Variants in FGF13 observed in about 807,000 individuals in gnomAD.
FGF13 encodes the protein fibroblast growth factor homologous factor 2.
A neutral mutation model predicts 19.5 loss-of-function variants in FGF13; 2 were observed. The ratio of observed to expected loss-of-function variants is 0.10; its 90% CI spans 0.04 to 0.32. The LOEUF is 0.32. FGF13 is among the 10% of genes least tolerant of loss of function. The pLI is 1.00. For missense variants in FGF13, 113 were observed against 192.7 expected, an observed-to-expected ratio of 0.59 and a Z score of 2.45; for synonymous variants, 72 against 76.9, an observed-to-expected ratio of 0.94 and a Z score of 0.33.
At chrX:138,749,410 A>G (rs2090381114) in intron 3 of FGF13, among the ~76,000 whole-genome samples, 3 of 110,565 alleles carry the variant, frequency 2.7e-5, no homozygotes, top group Admixed American at 9.7e-5. Flanking sequence ...GTGTAATGAC[A>G]GAAATGTGGC....
At chrX:138,688,716 TG>T (rs948469553) in intron 3 of FGF13, among the ~76,000 whole-genome samples, 1 of 111,885 alleles carries the variant, frequency 8.9e-6, no homozygotes, top group African/African-American at 3.2e-5. Context: ...CAAGGACAAG[TG>T]TTTCCCCTTC....
intron 1 of FGF13, among the ~76,000 whole-genome samples, chrX:138,734,963 A>G (rs2090261902): frequency 2.7e-5 from 3 of 111,796 alleles, no homozygotes; most frequent in African/African-American, 9.7e-5. Context: ...AAGGAAGGAG[A>G]TAAGACTAGA....
chrX:139,059,647 G>A (rs1256220506), intron 1 of FGF13, among the ~76,000 whole-genome samples: 1 of 111,679 alleles, frequency 9.0e-6, no homozygotes, highest in African/African-American at 3.3e-5. Flanking sequence ...TTGCATAAAT[G>A]TATGGAACAT....
Position 138,640,972 on chromosome X carries a change from G to A in FGF13, c.403-5317C>T, listed in dbSNP as rs185703872. Among the ~76,000 whole-genome samples the A allele has an allele frequency of 2.7e-5, 3 of 110,758 alleles. No individual in the cohort carries two copies. The East Asian group carries it at 8.6e-4, about 32-fold the overall frequency. On this transcript the variant is annotated intron_variant, in intron 3 of 4. Coordinates refer to ENST00000315930, the MANE Select transcript of FGF13 (RefSeq NM_004114.5). ...CAAAAACATATTTTTTTTTTACATG[G>A]GCTGCACTGATTCCCTTGGATCTGG...
Position 138,624,382 on chromosome X carries a change from T to A in FGF13, c.*8468A>T, listed in dbSNP as rs189256786. ...CATTGAATATCCAAATACAAAATAA[T>A]GAAATTGGACCTTTATCCTATACCA... is the stretch of plus-strand genomic sequence containing the variant. On this transcript the variant is annotated 3_prime_UTR_variant, in exon 5 of 5. Coordinates refer to ENST00000315930, the MANE Select transcript of FGF13 (RefSeq NM_004114.5). 8.9e-6 allele frequency: 1 copy of A among 111,777 alleles called. No homozygotes were observed. Among genetic ancestry groups the A allele is most frequent in the East Asian group, 2.8e-4 (1 of 3,557 alleles). The allele number at this position is 111,777 out of a possible 1,213,427, so 9.2% of individuals were successfully genotyped here. A position where few individuals can be genotyped will look rare whatever the true frequency, so the allele number is the denominator to read the frequency against.
chrX:138,725,714 C>A (rs1356549281), intron 1 of FGF13, among the ~76,000 whole-genome samples: 1 of 111,066 alleles, frequency 9.0e-6, no homozygotes, highest in Non-Finnish European at 1.9e-5. Flanking sequence ...GGATTTTTTC[C>A]TAACGGTATT....
rs748947475 is a variant in FGF13, at chrX:139,173,263, G to T, written c.-113+30153C>A. 5.4e-5 allele frequency among the ~76,000 whole-genome samples: 6 copies of T among 111,085 alleles called. No individual in the cohort carries two copies. In the East Asian group the frequency reaches 1.1e-3, roughly 21 times the overall value. On this transcript the variant is annotated intron_variant, in intron 1 of 2. Coordinates refer to the FGF13 transcript ENST00000421460. ...AGCTGAGCTGCTGGCTACGTCTTGG[G>T]CCATTAACCAGCATTTTAACCTCCC...
intron 3 of FGF13, among the ~76,000 whole-genome samples, chrX:138,681,502 A>C (rs151106467): frequency 3.9e-4 from 44 of 113,061 alleles, no homozygotes; most frequent in African/African-American, 1.4e-3. Context: ...CTTTCTCCAT[A>C]TCAGCCGTAA....
At chrX:138,937,437 TTAAC>T (rs1281716004) in intron 1 of FGF13, among the ~76,000 whole-genome samples, 2 of 112,205 alleles carry the variant, frequency 1.8e-5, no homozygotes, top group Non-Finnish European at 3.8e-5. Context: ...CCTTCTGACT[TTAAC>T]TAAACCACTA....
At chrX:139,164,811 GATAA>G (rs1161369870) in intron 1 of FGF13, among the ~76,000 whole-genome samples, 3 of 110,867 alleles carry the variant, frequency 2.7e-5, no homozygotes, top group Non-Finnish European at 5.7e-5. Context: ...TAGCCACATT[GATAA>G]ATAAAGTTAA....
At chrX:139,094,222 T>C in intron 1 of FGF13, among the ~76,000 whole-genome samples, 1 of 105,869 alleles carries the variant, frequency 9.4e-6, no homozygotes, top group South Asian at 4.1e-4. Context: ...CTGCATCTTA[T>C]GAACATGGTA....
chrX:138,988,691 C>T (rs1360953107), intron 1 of FGF13, among the ~76,000 whole-genome samples: 4 of 112,006 alleles, frequency 3.6e-5, no homozygotes, highest in African/African-American at 1.3e-4. Flanking sequence ...ACATCATTTA[C>T]TACTTAGGTG....
intron 3 of FGF13, among the ~76,000 whole-genome samples, chrX:138,672,398 A>C (rs1190497773): frequency 9.0e-6 from 1 of 111,398 alleles, no homozygotes; most frequent in African/African-American, 3.3e-5. Flanking sequence ...TTAGTTCTGG[A>C]GTGCATATAT....
chrX:138,718,928 C>T (rs1335877335), intron 1 of FGF13, among the ~76,000 whole-genome samples: 2 of 111,806 alleles, frequency 1.8e-5, no homozygotes, highest in African/African-American at 6.5e-5. Flanking sequence ...AACCTTAATC[C>T]CTTTAATCCT....
At chrX:138,691,177 C>A (rs2089835211) in intron 3 of FGF13, among the ~76,000 whole-genome samples, 1 of 111,557 alleles carries the variant, frequency 9.0e-6, no homozygotes, top group Non-Finnish European at 1.9e-5. Flanking sequence ...AGCTTCAGGT[C>A]TCCCATAGGC....
rs1034338166 is a variant in FGF13, at chrX:138,615,588, AG to A, written c.*17261del. The A allele has an allele frequency of 9.0e-6, 1 of 111,353 alleles. No individual in the cohort carries two copies. The highest frequency in any genetic ancestry group is 3.3e-5 in the African/African-American group (1 of 30,623). 9.2% of individuals were successfully genotyped at this position (111,353 alleles called of 1,213,427 possible). A position where few individuals can be genotyped will look rare whatever the true frequency, so the allele number is the denominator to read the frequency against. On this transcript the variant is annotated 3_prime_UTR_variant, in exon 5 of 5. Transcript: ENST00000315930. ...CATGGCAGGAAAAAAAAATTGTTTC[AG>A]ATGTATTATTTTCTGGTACCATAGA...
chrX:138,917,113 T>C (rs1205410230), intron 1 of FGF13, among the ~76,000 whole-genome samples: 3 of 111,489 alleles, frequency 2.7e-5, no homozygotes, highest in African/African-American at 9.8e-5. Flanking sequence ...GAGAGCAGCA[T>C]TATATTGAAT....
chrX:139,056,962 G>C (rs1159608190), intron 1 of FGF13, among the ~76,000 whole-genome samples: 3 of 111,777 alleles, frequency 2.7e-5, no homozygotes, highest in African/African-American at 9.7e-5. Flanking sequence ...AGACAAAGCT[G>C]TCTGGGGAGA....
At chrX:139,021,265 C>G (rs2092177140) in intron 1 of FGF13, among the ~76,000 whole-genome samples, 1 of 110,757 alleles carries the variant, frequency 9.0e-6, no homozygotes, top group Admixed American at 9.7e-5. Context: ...TCCCCTAAAT[C>G]TTGTAACATT....
Sources: allele counts gnomAD v4.1 joint callset (sites outside exome capture counted in the v4.1 genomes callset), GRCh38; gene constraint gnomAD v4.1.1; transcripts MANE v1.5; gene names NCBI Gene and HGNC (gene_info 2026-07-23, HGNC 2026-07-21).